PPTC7: variants seen among roughly 807,000 people sequenced by gnomAD.
PPTC7 encodes protein phosphatase PTC7 homolog.
In PPTC7, 6 loss-of-function variants were observed where a neutral mutation model predicts 30.8. That is an observed-to-expected ratio of 0.19 (90% confidence interval 0.11 to 0.38). PPTC7 has a LOEUF of 0.38. Among genes scored for constraint, PPTC7 ranks in the 10% least tolerant of loss-of-function variants. The pLI is 1.00. For synonymous variants in PPTC7, 163 were observed against 168.1 expected (o/e 0.97, Z 0.23); for missense variants, 218 against 404.8 (o/e 0.54, Z 3.96).
Position 110,583,252 on chromosome 12 carries a change from C to A in PPTC7, c.-221G>T, listed in dbSNP as rs1227530469. 1.0e-4 allele frequency: 18 copies of A among 178,822 alleles called. No individual in the cohort carries two copies. Among genetic ancestry groups the A allele is most frequent in the Non-Finnish European group, 1.6e-4 (14 of 87,218 alleles). The allele number at this position is 178,822 out of a possible 1,614,324, so 11.1% of individuals were successfully genotyped here. On this transcript the variant is annotated 5_prime_UTR_variant, in exon 1 of 6. Transcript: ENST00000354300. ...GAGGTCAGAAGCGGCGGCTCCTCCG[C>A]CTCAGCCCAACTGAAGTCCCGGCTG... is the stretch of plus-strand genomic sequence containing the variant.
At chr12:110,578,539 T>C (rs949449181) in intron 1 of PPTC7, among the ~76,000 whole-genome samples, 1 of 152,162 alleles carries the variant, frequency 6.6e-6, no homozygotes, top group Admixed American at 6.6e-5. Flanking sequence ...GCACTATTAG[T>C]CACTGCATGA....
At chr12:110,574,934 A>G (rs2064575147) in intron 1 of PPTC7, among the ~76,000 whole-genome samples, 1 of 143,516 alleles carries the variant, frequency 7.0e-6, no homozygotes, top group Non-Finnish European at 1.5e-5. Flanking sequence ...ACTCGCCACC[A>G]TGCCCGGCTT....
intron 1 of PPTC7, among the ~76,000 whole-genome samples, chr12:110,578,280 C>T (rs1236446368): frequency 6.6e-6 from 1 of 152,076 alleles, no homozygotes; most frequent in Non-Finnish European, 1.5e-5. Flanking sequence ...TTTTTGTGCA[C>T]CTAGGAAGCC....
At position 110,546,066 on chromosome 12, in the gene PPTC7, G is replaced by A; in HGVS notation, c.416C>T (p.Ala139Val). 1 of 1,613,814 alleles carries A rather than the reference G, an allele frequency of 6.2e-7. No homozygotes were observed. Among genetic ancestry groups the A allele is most frequent in the East Asian group, 2.2e-5 (1 of 44,884 alleles). Residue 139 changes from alanine (A) to valine (V), a missense_variant, in exon 3 of 6, where the codon GCC becomes GTC. Ala to Val is a moderately conservative substitution (Grantham distance 64, BLOSUM62 0). Coordinates refer to ENST00000354300, the MANE Select transcript of PPTC7 (RefSeq NM_139283.2). ...GGTTCTGTCCAGCACCACAATGCAG[G>A]CGGTGCTGCTACCTAGAAACAAAAA... ...NKVPLLGSST[A>V]CIVVLDRTSH...
chr12:110,578,494 C>T (rs990767836), intron 1 of PPTC7, among the ~76,000 whole-genome samples: 4 of 152,160 alleles, frequency 2.6e-5, no homozygotes, highest in Non-Finnish European at 5.9e-5. Context: ...AAACGAAATA[C>T]AGTGGGGACT....
intron 4 of PPTC7, among the ~76,000 whole-genome samples, chr12:110,539,560 A>G (rs2064241243): frequency 6.6e-6 from 1 of 152,238 alleles, no homozygotes; most frequent in Non-Finnish European, 1.5e-5. Flanking sequence ...ACCCGACACC[A>G]TTAAAATATA....
intron 1 of PPTC7, among the ~76,000 whole-genome samples, chr12:110,562,901 C>G (rs2064450248): frequency 6.6e-6 from 1 of 151,480 alleles, no homozygotes; most frequent in Non-Finnish European, 1.5e-5. Flanking sequence ...GCGGGTGGAT[C>G]ACCTGAGGTC....
intron 3 of PPTC7, among the ~76,000 whole-genome samples, 180 bp from the exon 4 acceptor site, chr12:110,540,125 C>T (rs907141271): frequency 6.6e-6 from 1 of 152,054 alleles, no homozygotes; most frequent in Non-Finnish European, 1.5e-5. Flanking sequence ...AAAAGTTAAT[C>T]GAAAATTCTA....
intron 4 of PPTC7, 87 bp downstream of exon 4, chr12:110,539,735 T>C (rs2064242525): frequency 2.1e-5 from 26 of 1,244,426 alleles, no homozygotes; most frequent in Non-Finnish European, 2.9e-5. Context: ...TTTCCAAAAC[T>C]ACAAAGAGAT....
At chr12:110,574,018 G>T (rs2064563983) in intron 1 of PPTC7, among the ~76,000 whole-genome samples, 1 of 151,050 alleles carries the variant, frequency 6.6e-6, no homozygotes, top group African/African-American at 2.4e-5. Flanking sequence ...CACTACACAG[G>T]CTGGGCACGT....
intron 3 of PPTC7, among the ~76,000 whole-genome samples, chr12:110,542,976 C>T (rs896334985): frequency 6.6e-6 from 1 of 152,178 alleles, no homozygotes; most frequent in East Asian, 1.9e-4. Flanking sequence ...TCCCTCCTTC[C>T]AGGCCTCCCT....
intron 1 of PPTC7, among the ~76,000 whole-genome samples, chr12:110,575,420 G>T (rs1384713046): frequency 6.6e-6 from 1 of 151,920 alleles, no homozygotes; most frequent in Non-Finnish European, 1.5e-5. Flanking sequence ...CTTAACTTTA[G>T]CATTTGAGCT....
chr12:110,549,972 G>C (rs1387025563), intron 2 of PPTC7, among the ~76,000 whole-genome samples: 1 of 152,120 alleles, frequency 6.6e-6, no homozygotes, highest in Non-Finnish European at 1.5e-5. Flanking sequence ...GCTAGAAATA[G>C]CATCTAGAAT....
intron 1 of PPTC7, among the ~76,000 whole-genome samples, chr12:110,569,933 A>T (rs1396577401): frequency 2.6e-5 from 4 of 152,180 alleles, no homozygotes; most frequent in African/African-American, 9.7e-5. Flanking sequence ...AAACACCTCA[A>T]CCACTTTTCA....
chr12:110,539,642 G>C (rs2064241862), intron 4 of PPTC7, among the ~76,000 whole-genome samples, 180 bp downstream of exon 4: 1 of 152,218 alleles, frequency 6.6e-6, no homozygotes. Flanking sequence ...AAAACCTTGG[G>C]TAGGAAGCTT....
intron 1 of PPTC7, among the ~76,000 whole-genome samples, chr12:110,560,943 G>C (rs1217318057): frequency 1.3e-5 from 2 of 152,170 alleles, no homozygotes; most frequent in Non-Finnish European, 2.9e-5. Flanking sequence ...ACTAGGATGG[G>C]TACTTGATAG....
At chr12:110,573,485 T>A (rs1304050325) in intron 1 of PPTC7, among the ~76,000 whole-genome samples, 1 of 152,202 alleles carries the variant, frequency 6.6e-6, no homozygotes. Context: ...TGCAACTTTT[T>A]AAAAGCTTTA....
chr12:110,578,156 A>C (rs1017040280), intron 1 of PPTC7, among the ~76,000 whole-genome samples: 2 of 152,200 alleles, frequency 1.3e-5, no homozygotes, highest in African/African-American at 4.8e-5. Flanking sequence ...AGTGAGGTGA[A>C]AAAAACTAGA....
intron 1 of PPTC7, among the ~76,000 whole-genome samples, chr12:110,562,199 C>T (rs546913525): frequency 8.1e-5 from 11 of 136,382 alleles, no homozygotes; most frequent in East Asian, 2.4e-4. Context: ...GCAGGAGAAT[C>T]GTTTGAACCC....
Sources: allele counts gnomAD v4.1 joint callset (sites outside exome capture counted in the v4.1 genomes callset), GRCh38; gene constraint gnomAD v4.1.1; transcripts MANE v1.5; gene names NCBI Gene and HGNC (gene_info 2026-07-23, HGNC 2026-07-21).